NCK2: variants seen among roughly 807,000 people sequenced by gnomAD.
NCK2 encodes the protein NCK adaptor protein 2, also known as cytoplasmic protein NCK2.
Under a neutral mutation model 33.9 loss-of-function variants are expected in NCK2, and 16 were observed. That is an observed-to-expected ratio of 0.47 (90% CI 0.32 to 0.72). The LOEUF (loss-of-function observed/expected upper bound fraction) is 0.72, where lower values mean the gene tolerates loss of function less well. NCK2 is among the 30% of genes least tolerant of loss of function. The pLI, the probability that NCK2 is intolerant of heterozygous loss-of-function variation, is 0.03. For synonymous variants in NCK2, 273 were observed against 239.9 expected (o/e 1.14, Z -1.27); for missense variants, 418 against 537.3 (o/e 0.78, Z 2.19).
intron 2 of NCK2, among the ~76,000 whole-genome samples, chr2:105,839,645 G>C (rs550440709): frequency 1.3e-5 from 2 of 152,340 alleles, no homozygotes; most frequent in East Asian, 3.9e-4. Flanking sequence ...AGTTTTAGAC[G>C]TGAGATTTGA....
At chr2:105,873,742 G>A (rs1259818870) in intron 3 of NCK2, among the ~76,000 whole-genome samples, 1 of 152,190 alleles carries the variant, frequency 6.6e-6, no homozygotes, top group Non-Finnish European at 1.5e-5. Context: ...CGAAAAGTTG[G>A]CTCAGATGAT....
chr2:105,893,119 G>T lies in NCK2; in HGVS notation c.1086G>T (p.Ala362=). 6.2e-7 allele frequency: 1 copy of T among 1,613,294 alleles called. No individual in the cohort carries two copies. The highest frequency in any genetic ancestry group is 1.1e-5 in the South Asian group (1 of 90,946). The change falls in exon 5 of 5, where the codon GCG becomes GCT. Residue 362 remains alanine (A), a synonymous_variant. Transcript: ENST00000233154. ...MDELVEHYKK[A]PIFTSEHGEK... ...AGCTGGTGGAACACTACAAAAAGGC[G>T]CCCATCTTCACCAGCGAGCACGGGG...
At chr2:105,846,447 G>A (rs924911525) in intron 2 of NCK2, 6 of 146,474 alleles carry the variant, frequency 4.1e-5, no homozygotes, top group Non-Finnish European at 6.0e-5. Flanking sequence ...GATCCTGGCA[G>A]TAAAGATAAA....
At chr2:105,857,777 A>G (rs1048799417) in intron 3 of NCK2, among the ~76,000 whole-genome samples, 7 of 152,186 alleles carry the variant, frequency 4.6e-5, no homozygotes, top group African/African-American at 1.7e-4. Flanking sequence ...TCTCTTTATC[A>G]TGCTCACCTG....
At chr2:105,783,282 C>T (rs185575957) in intron 1 of NCK2, among the ~76,000 whole-genome samples, 13 of 152,326 alleles carry the variant, frequency 8.5e-5, no homozygotes, top group Non-Finnish European at 1.5e-5. Flanking sequence ...CTCGCTAGAG[C>T]TTGGGTGGGC....
chr2:105,832,029 T>C (rs1167839118), intron 2 of NCK2, among the ~76,000 whole-genome samples: 1 of 152,190 alleles, frequency 6.6e-6, no homozygotes, highest in Non-Finnish European at 1.5e-5. Flanking sequence ...TATGTCCTCT[T>C]CAATTTCTTT....
intron 1 of NCK2, among the ~76,000 whole-genome samples, chr2:105,811,240 C>G (rs2104470520): frequency 6.6e-6 from 1 of 151,728 alleles, no homozygotes; most frequent in African/African-American, 2.4e-5. Flanking sequence ...ACCACATCAT[C>G]AATTTTTGAT....
chr2:105,882,463 C>T (rs1311347944), intron 4 of NCK2, among the ~76,000 whole-genome samples: 1 of 152,218 alleles, frequency 6.6e-6, no homozygotes, highest in African/African-American at 2.4e-5. Context: ...TGGTTTCTGA[C>T]ACCTCCTTTT....
intron 3 of NCK2, among the ~76,000 whole-genome samples, chr2:105,866,380 G>A (rs1265948095): frequency 6.6e-6 from 1 of 151,764 alleles, no homozygotes; most frequent in Non-Finnish European, 1.5e-5. Flanking sequence ...GCTTCTTGCT[G>A]TTGTCAGTAC....
intron 4 of NCK2, among the ~76,000 whole-genome samples, chr2:105,886,380 A>G (rs1005189855): frequency 5.3e-5 from 8 of 152,244 alleles, no homozygotes; most frequent in African/African-American, 1.7e-4. Flanking sequence ...TGGCTCTTCA[A>G]TGCTGACCTT....
intron 2 of NCK2, among the ~76,000 whole-genome samples, chr2:105,845,249 C>G (rs985089161): frequency 6.6e-6 from 1 of 152,186 alleles, no homozygotes; most frequent in African/African-American, 2.4e-5. Flanking sequence ...TTTTAAAAAT[C>G]ACTGTGCTTC....
At chr2:105,882,181 A>C in intron 4 of NCK2, 132 bp downstream of exon 4, 1 of 1,087,924 alleles carries the variant, frequency 9.2e-7, no homozygotes, top group Non-Finnish European at 1.2e-6. Flanking sequence ...AATGCAATTT[A>C]GTATAATGTT....
In NCK2 at chr2:105,881,992, C is replaced by T. The variant is rs769226018; in HGVS notation, c.891C>T (p.Cys297=). The change falls in exon 4 of 5, where the codon TGC becomes TGT. Residue 297 remains cysteine (C), a synonymous_variant. Transcript: ENST00000233154. ...YGNVTRHQAE[C]ALNERGVEGD... Reference sequence around the variant, plus strand: ...ACGTGACGCGGCACCAGGCCGAGTGCGCCCTCAACGAGCGGGGCGTGGAGG... The same window carrying T: ...ACGTGACGCGGCACCAGGCCGAGTGTGCCCTCAACGAGCGGGGCGTGGAGG... The T allele has an allele frequency of 2.6e-6, 4 of 1,510,532 alleles. No homozygotes were observed. The highest frequency in any genetic ancestry group is 4.6e-5 in the Admixed American group (2 of 43,954). 93.6% of individuals were successfully genotyped at this position (1,510,532 alleles called of 1,614,324 possible).
intron 3 of NCK2, among the ~76,000 whole-genome samples, chr2:105,868,854 G>A (rs1359713454): frequency 2.0e-5 from 3 of 152,204 alleles, no homozygotes; most frequent in Non-Finnish European, 2.9e-5. Flanking sequence ...GTCGAGGCCC[G>A]GGGCAGCCAA....
intron 1 of NCK2, chr2:105,746,021 G>GGGGTC (rs2104315128): frequency 6.7e-6 from 1 of 150,348 alleles, no homozygotes; most frequent in Non-Finnish European, 1.5e-5. Context: ...GTGGATGCTA[G>GGGGTC]GGGTCATTGG....
chr2:105,764,506 G>A (rs989106396), intron 1 of NCK2, among the ~76,000 whole-genome samples: 1 of 152,240 alleles, frequency 6.6e-6, no homozygotes, highest in South Asian at 2.1e-4. Context: ...ACTGAGACAG[G>A]TGAGCAGGAG....
At chr2:105,880,069 C>T (rs866188944) in intron 3 of NCK2, among the ~76,000 whole-genome samples, 1 of 152,158 alleles carries the variant, frequency 6.6e-6, no homozygotes, top group Non-Finnish European at 1.5e-5. Context: ...TCCGGAATTC[C>T]GTGCATTTTA....
At chr2:105,758,933 G>A (rs1284277325) in intron 1 of NCK2, among the ~76,000 whole-genome samples, 2 of 152,152 alleles carry the variant, frequency 1.3e-5, no homozygotes, top group Non-Finnish European at 2.9e-5. Flanking sequence ...ATCATTATTA[G>A]TGATTCGTCC....
At chr2:105,808,933 G>C (rs1256254528) in intron 1 of NCK2, among the ~76,000 whole-genome samples, 1 of 152,200 alleles carries the variant, frequency 6.6e-6, no homozygotes, top group Non-Finnish European at 1.5e-5. Context: ...TCTTGTGAGG[G>C]CTGGGGTGTG....
Sources: allele counts gnomAD v4.1 joint callset (sites outside exome capture counted in the v4.1 genomes callset), GRCh38; gene constraint gnomAD v4.1.1; transcripts MANE v1.5; gene names NCBI Gene and HGNC (gene_info 2026-07-23, HGNC 2026-07-21).